The following NAALADL2 variants were observed in gnomAD, a reference collection of about 807,000 sequenced individuals.
NAALADL2 encodes the protein N-acetylated alpha-linked acidic dipeptidase like 2.
In NAALADL2, 76 loss-of-function variants were observed where a neutral mutation model predicts 87.2. That is an observed-to-expected ratio of 0.87 (90% CI 0.72 to 1.05). The LOEUF (loss-of-function observed/expected upper bound fraction) is 1.05, where lower values mean the gene tolerates loss of function less well. Among genes scored for constraint, NAALADL2 ranks in the 50% least tolerant of loss-of-function variants. NAALADL2 has a pLI of 0.00. For missense variants in NAALADL2, 1,089 were observed against 945.8 expected (o/e 1.15, Z -1.99); for synonymous variants, 354 against 331.0 (o/e 1.07, Z -0.75).
chr3:175,372,262 C>G (rs1766601349), intron 5 of NAALADL2, among the ~76,000 whole-genome samples: 1 of 152,166 alleles, frequency 6.6e-6, no homozygotes, highest in Non-Finnish European at 1.5e-5. Context: ...GACCTAATAC[C>G]TAGCTATATT....
chr3:174,922,550 T>G (rs1396609576), intron 1 of NAALADL2, among the ~76,000 whole-genome samples: 1 of 152,164 alleles, frequency 6.6e-6, no homozygotes, highest in Admixed American at 6.5e-5. Context: ...GTTTTTCTCC[T>G]AATGCTGATT....
intron 13 of NAALADL2, among the ~76,000 whole-genome samples, chr3:175,792,803 C>T (rs1752957488): frequency 6.6e-6 from 1 of 152,212 alleles, no homozygotes. Context: ...GAATAAGTTT[C>T]TTTCAGTCTC....
chr3:174,474,181 C>G (rs1160592618), intron 1 of NAALADL2, among the ~76,000 whole-genome samples: 2 of 152,134 alleles, frequency 1.3e-5, no homozygotes, highest in South Asian at 2.1e-4. Flanking sequence ...TTTCACTATT[C>G]AGCTTAATGA....
chr3:175,564,016 T>A (rs186333017), intron 9 of NAALADL2, among the ~76,000 whole-genome samples: 92 of 152,320 alleles, frequency 6.0e-4, no homozygotes, highest in Non-Finnish European at 9.7e-4. Context: ...TTACTGCTGA[T>A]GGCGTTATTT....
At chr3:175,618,321 C>T (rs1018137663) in intron 10 of NAALADL2, among the ~76,000 whole-genome samples, 6 of 151,994 alleles carry the variant, frequency 3.9e-5, no homozygotes, top group African/African-American at 1.2e-4. Flanking sequence ...CTGCCTGAAA[C>T]GAGGATTTCT....
At chr3:174,947,904 C>A (rs1280655700) in intron 1 of NAALADL2, among the ~76,000 whole-genome samples, 1 of 151,958 alleles carries the variant, frequency 6.6e-6, no homozygotes, top group Non-Finnish European at 1.5e-5. Flanking sequence ...GGTAAACTTG[C>A]TGCCATTTTA....
chr3:175,723,619 C>A (rs559853520), intron 11 of NAALADL2, among the ~76,000 whole-genome samples: 4 of 152,070 alleles, frequency 2.6e-5, no homozygotes, highest in African/African-American at 9.7e-5. Context: ...TTAGTAATCA[C>A]GGTGTTTCTC....
At chr3:175,439,712 G>A (rs1314534460) in intron 5 of NAALADL2, among the ~76,000 whole-genome samples, 4 of 135,498 alleles carry the variant, frequency 3.0e-5, no homozygotes, top group Non-Finnish European at 6.4e-5. Flanking sequence ...TGTGTTTCTT[G>A]TGTTTGTGGT....
At chr3:175,781,058 A>G (rs2150213005) in intron 13 of NAALADL2, among the ~76,000 whole-genome samples, 1 of 152,298 alleles carries the variant, frequency 6.6e-6, no homozygotes, top group South Asian at 2.1e-4. Flanking sequence ...TGTAATTTCA[A>G]TTTGTAGTCA....
intron 12 of NAALADL2, among the ~76,000 whole-genome samples, chr3:175,746,937 G>T (rs1462905815): frequency 6.6e-6 from 1 of 152,120 alleles, no homozygotes; most frequent in East Asian, 1.9e-4. Flanking sequence ...TGTAGTATTT[G>T]CATATAACCT....
chr3:174,759,129 T>A (rs1018854633), intron 3 of NAALADL2, among the ~76,000 whole-genome samples: 4 of 152,198 alleles, frequency 2.6e-5, no homozygotes, highest in African/African-American at 9.7e-5. Context: ...CTGTTTTGCA[T>A]TTATGCTACC....
rs1206710441 is a variant in NAALADL2, at chr3:174,803,935, T to A, written c.-9+66189T>A. 2.0e-5 allele frequency among the ~76,000 whole-genome samples: 3 copies of A among 152,198 alleles called. No individual in the cohort carries two copies. The East Asian group carries it at 5.8e-4, about 29-fold the overall frequency. ...TCTAGCTTTGTTCTTTTGCTTAGGA[T>A]TGTCGTGGCTATGCGGGCTCTTTTT... On this transcript the variant is annotated intron_variant, in intron 3 of 3. Coordinates refer to the NAALADL2 transcript ENST00000434257.
At chr3:175,133,163 T>TG (rs1451786820) in intron 2 of NAALADL2, among the ~76,000 whole-genome samples, 1 of 147,912 alleles carries the variant, frequency 6.8e-6, no homozygotes, top group Non-Finnish European at 1.5e-5. Flanking sequence ...CTAGATGGGA[T>TG]GGCCGCCGGG....
chr3:174,477,031 A>C (rs527299179), intron 1 of NAALADL2, among the ~76,000 whole-genome samples: 1 of 152,150 alleles, frequency 6.6e-6, no homozygotes, highest in South Asian at 2.1e-4. Context: ...TATGAAAATT[A>C]AAGAAAAGCC....
At chr3:175,366,868 A>G (rs1329465478) in intron 5 of NAALADL2, among the ~76,000 whole-genome samples, 2 of 151,822 alleles carry the variant, frequency 1.3e-5, no homozygotes, top group South Asian at 2.1e-4. Context: ...GTATAATTAG[A>G]TCCCATTTGT....
At chr3:175,313,069 C>A (rs574032067) in intron 4 of NAALADL2, among the ~76,000 whole-genome samples, 272 of 152,206 alleles carry the variant, frequency 1.8e-3, no homozygotes, top group Non-Finnish European at 3.2e-3. Context: ...TCTCCTAAGG[C>A]CTTTCTCCTA....
Position 175,370,442 on chromosome 3 carries a change from T to C in NAALADL2, c.1090+46117T>C, listed in dbSNP as rs536062928. Among the ~76,000 whole-genome samples, 186 of 152,220 alleles carry C rather than the reference T, an allele frequency of 1.2e-3. 2 individuals carry two copies. Among genetic ancestry groups the C allele is most frequent in the Non-Finnish European group, 2.1e-3 (144 of 68,026 alleles). On this transcript the variant is annotated intron_variant, in intron 5 of 13. Coordinates refer to ENST00000454872, the MANE Select transcript of NAALADL2 (RefSeq NM_207015.3). ...TATCACCATTAACTACTGATGCTTC[T>C]AATCTTATTCTGTAATGGTTAAAAA...
chr3:175,345,976 A>C (rs1455803524), intron 5 of NAALADL2, among the ~76,000 whole-genome samples: 1 of 152,186 alleles, frequency 6.6e-6, no homozygotes, highest in Non-Finnish European at 1.5e-5. Flanking sequence ...ACTGTGATTT[A>C]TTTAATTGGC....
At chr3:174,678,779 C>T (rs555139830) in intron 2 of NAALADL2, among the ~76,000 whole-genome samples, 4 of 151,966 alleles carry the variant, frequency 2.6e-5, no homozygotes, top group Admixed American at 1.3e-4. Context: ...TATTGTATAC[C>T]GACTCTCTAT....
Sources: allele counts gnomAD v4.1 joint callset (sites outside exome capture counted in the v4.1 genomes callset), GRCh38; gene constraint gnomAD v4.1.1; transcripts MANE v1.5; gene names NCBI Gene and HGNC (gene_info 2026-07-23, HGNC 2026-07-21).